The following TNRC6C variants were observed in gnomAD, a reference collection of about 807,000 sequenced individuals.
TNRC6C encodes trinucleotide repeat containing adaptor 6C.
A neutral mutation model predicts 153.7 loss-of-function variants in TNRC6C; 20 were observed. That is an observed-to-expected ratio of 0.13 (90% CI 0.09 to 0.19). The LOEUF (loss-of-function observed/expected upper bound fraction) is 0.19, where lower values mean the gene tolerates loss of function less well. Among genes scored for constraint, TNRC6C ranks in the 10% least tolerant of loss-of-function variants. TNRC6C has a pLI of 1.00. For missense variants in TNRC6C, 1,987 were observed against 2,172.0 expected (o/e 0.91, Z 1.69); for synonymous variants, 811 against 841.4 (o/e 0.96, Z 0.63).
exon 3 of TNRC6C, chr17:78,051,154 C>A (rs752323954): frequency 5.1e-6 from 8 of 1,576,206 alleles, no homozygotes; most frequent in Non-Finnish European, 6.0e-6. Context: ...GGGGCCGGTA[C>A]CGGTCAAACA....
chr17:77,963,748 A>G (rs1598635034), intron 1 of TNRC6C, among the ~76,000 whole-genome samples: 1 of 152,354 alleles, frequency 6.6e-6, no homozygotes, highest in East Asian at 1.9e-4. Context: ...ACTCAATGTT[A>G]TTTTGAACTC....
chr17:78,077,391 A>G (rs1052173126), intron 9 of TNRC6C, 57 bp downstream of exon 11: 3 of 1,548,326 alleles, frequency 1.9e-6, no homozygotes, highest in Admixed American at 2.0e-5. Context: ...CTTCTAAAAA[A>G]TGTGTTTGAG....
chr17:78,028,063 T>A (rs901734840), intron 1 of TNRC6C, among the ~76,000 whole-genome samples: 1 of 151,444 alleles, frequency 6.6e-6, no homozygotes, highest in Non-Finnish European at 1.5e-5. Flanking sequence ...GCCCGGCTAA[T>A]TTTTTTTTGT....
intron 9 of TNRC6C, among the ~76,000 whole-genome samples, chr17:78,078,664 T>G (rs2073125154): frequency 6.6e-6 from 1 of 152,182 alleles, no homozygotes; most frequent in Non-Finnish European, 1.5e-5. Flanking sequence ...TAAACGACAC[T>G]CATTAAAAAT....
chr17:78,077,404 A>C, intron 9 of TNRC6C, 70 bp downstream of exon 11: 1 of 1,531,730 alleles, frequency 6.5e-7, no homozygotes, highest in Non-Finnish European at 8.8e-7. Flanking sequence ...TGTTTGAGAC[A>C]TAAACTTACT....
chr17:78,097,345 C>T (rs1567966460), intron 16 of TNRC6C, among the ~76,000 whole-genome samples: 1 of 152,086 alleles, frequency 6.6e-6, no homozygotes, highest in Admixed American at 6.5e-5. Flanking sequence ...TTTTGTTCTT[C>T]CATTTTGTGG....
chr17:78,022,299 A>G (rs2071849913), intron 1 of TNRC6C, among the ~76,000 whole-genome samples: 1 of 152,242 alleles, frequency 6.6e-6, no homozygotes, highest in Non-Finnish European at 1.5e-5. Flanking sequence ...TTGACTACAC[A>G]TAATGCATCA....
chr17:78,031,103 A>C (rs1427089168), intron 1 of TNRC6C, among the ~76,000 whole-genome samples: 1 of 151,876 alleles, frequency 6.6e-6, no homozygotes, highest in East Asian at 1.9e-4. Flanking sequence ...ACTGTCTCAC[A>C]CTTAAAAAAA....
chr17:77,999,656 A>G (rs892931567), upstream of TNRC6C, among the ~76,000 whole-genome samples: 3 of 152,188 alleles, frequency 2.0e-5, no homozygotes, highest in Admixed American at 6.5e-5. Flanking sequence ...CATGGTTTCC[A>G]TGGGTTCAGG....
intron 1 of TNRC6C, among the ~76,000 whole-genome samples, chr17:77,972,051 A>C (rs2070944054): frequency 6.6e-6 from 1 of 152,130 alleles, no homozygotes; most frequent in African/African-American, 2.4e-5. Flanking sequence ...AAACAAACAA[A>C]AAAAAAGTAG....
intron 3 of TNRC6C, among the ~76,000 whole-genome samples, chr17:78,064,178 A>AAGAGATT (rs1567946693): frequency 2.0e-5 from 3 of 152,150 alleles, no homozygotes; most frequent in Non-Finnish European, 4.4e-5. Flanking sequence ...AAACTTAACC[A>AAGAGATT]CTTGGTTCCC....
At chr17:78,043,517 T>C (rs1347924818) in intron 2 of TNRC6C, among the ~76,000 whole-genome samples, 1 of 152,190 alleles carries the variant, frequency 6.6e-6, no homozygotes, top group East Asian at 1.9e-4. Flanking sequence ...TGTGTAATAA[T>C]CACATCAGGA....
At chr17:77,968,268 G>A (rs1323735380) in intron 1 of TNRC6C, among the ~76,000 whole-genome samples, 3 of 151,046 alleles carry the variant, frequency 2.0e-5, no homozygotes, top group South Asian at 2.1e-4. Flanking sequence ...TCCTGACCTC[G>A]TGATTCGCCC....
At chr17:78,100,570 A>T (rs745436996) in intron 17 of TNRC6C, among the ~76,000 whole-genome samples, 9 of 152,118 alleles carry the variant, frequency 5.9e-5, no homozygotes, top group Non-Finnish European at 8.8e-5. Context: ...CAGCATGTGG[A>T]CCCTGGGCCT....
chr17:78,100,922 C>G (rs1270458754), intron 17 of TNRC6C, among the ~76,000 whole-genome samples: 4 of 151,864 alleles, frequency 2.6e-5, no homozygotes, highest in Non-Finnish European at 5.9e-5. Flanking sequence ...ACTACAGGTG[C>G]CTGCCACCAT....
intron 1 of TNRC6C, among the ~76,000 whole-genome samples, chr17:78,023,446 C>CT (rs1167482174): frequency 1.3e-5 from 2 of 152,306 alleles, no homozygotes; most frequent in East Asian, 3.9e-4. Flanking sequence ...GCTGCTACTG[C>CT]TTTTGAATTT....
intron 1 of TNRC6C, among the ~76,000 whole-genome samples, chr17:77,978,692 G>A (rs1415666993): frequency 6.6e-6 from 1 of 152,052 alleles, no homozygotes; most frequent in Non-Finnish European, 1.5e-5. Context: ...GTCAGAGGCG[G>A]GGGTCACAAA....
chr17:77,983,163 G>A (rs1194163818), intron 1 of TNRC6C, among the ~76,000 whole-genome samples: 1 of 152,302 alleles, frequency 6.6e-6, no homozygotes, highest in African/African-American at 2.4e-5. Flanking sequence ...GTCTCTTACT[G>A]TTATACCTTA....
At chr17:78,077,362 T>A in intron 9 of TNRC6C, 28 bp downstream of exon 11, 2 of 1,559,902 alleles carry the variant, frequency 1.3e-6, no homozygotes, top group Non-Finnish European at 1.7e-6. Flanking sequence ...GAGCAAAACA[T>A]GGCCTTTGTT....
Sources: allele counts gnomAD v4.1 joint callset (sites outside exome capture counted in the v4.1 genomes callset), GRCh38; gene constraint gnomAD v4.1.1; transcripts MANE v1.5; gene names NCBI Gene and HGNC (gene_info 2026-07-23, HGNC 2026-07-21).